Variants in SNX8 observed in about 807,000 individuals in gnomAD.
SNX8 encodes the protein sorting nexin 8, also known as sorting nexin-8.
Under a neutral mutation model 51.6 loss-of-function variants are expected in SNX8, and 25 were observed. The ratio of observed to expected loss-of-function variants is 0.48; its 90% CI spans 0.35 to 0.68. SNX8 has a LOEUF of 0.68. SNX8 is among the 30% of genes least tolerant of loss of function. The probability of loss-of-function intolerance (pLI) is 0.00; values close to 1 mark genes in which losing one functional copy is unlikely to be tolerated. For missense variants in SNX8, 695 were observed against 624.0 expected (o/e 1.11, Z -1.21); for synonymous variants, 324 against 277.0 (o/e 1.17, Z -1.68).
intron 1 of SNX8, among the ~76,000 whole-genome samples, chr7:2,344,952 G>A (rs1217703565): frequency 6.6e-6 from 1 of 152,136 alleles, no homozygotes; most frequent in East Asian, 1.9e-4. Flanking sequence ...CAAACAACAC[G>A]ATACCCTTTC....
At chr7:2,342,068 T>C (rs1778937784) in intron 1 of SNX8, among the ~76,000 whole-genome samples, 1 of 150,206 alleles carries the variant, frequency 6.7e-6, no homozygotes, top group African/African-American at 2.5e-5. Flanking sequence ...TCCTTGCATC[T>C]GGATCTCTCA....
chr7:2,297,487 T>C (rs1296032888), intron 1 of SNX8, among the ~76,000 whole-genome samples: 2 of 139,182 alleles, frequency 1.4e-5, no homozygotes, highest in African/African-American at 5.4e-5. Context: ...GAGGGACAGG[T>C]TGCAGTGAGC....
chr7:2,258,752 G>C (rs1252688008), intron 7 of SNX8, among the ~76,000 whole-genome samples: 1 of 152,206 alleles, frequency 6.6e-6, no homozygotes, highest in African/African-American at 2.4e-5. Flanking sequence ...ACACTCGGCG[G>C]TGGGGGCAGC....
In SNX8 at chr7:2,282,949, G is replaced by A. The variant is rs547091787; in HGVS notation, c.95-4644C>T. ...ATCCTGGCTAACATGGTGAAACCCCGTCTCTACTAAAAATACAAAAAATTA... is the reference window on the plus strand; with the variant it reads ...ATCCTGGCTAACATGGTGAAACCCCATCTCTACTAAAAATACAAAAAATTA... On this transcript the variant is annotated intron_variant, in intron 1 of 10. Coordinates refer to ENST00000222990, the MANE Select transcript of SNX8 (RefSeq NM_013321.4). Among the ~76,000 whole-genome samples, 61 of 151,986 alleles carry A rather than the reference G, an allele frequency of 4.0e-4. 1 individual carries two copies. The South Asian group carries it at 0.01, about 26-fold the overall frequency.
At chr7:2,328,865 C>T (rs1467050854) in intron 1 of SNX8, among the ~76,000 whole-genome samples, 5 of 152,040 alleles carry the variant, frequency 3.3e-5, no homozygotes, top group Non-Finnish European at 5.9e-5. Context: ...GTGGGTGGAT[C>T]ACAAGGTCAG....
At chr7:2,286,227 G>C (rs1308547181) in intron 1 of SNX8, among the ~76,000 whole-genome samples, 1 of 151,578 alleles carries the variant, frequency 6.6e-6, no homozygotes, top group African/African-American at 2.4e-5. Context: ...GGCCAGGCTG[G>C]TCTTGAACTC....
chr7:2,263,365 G>A lies in SNX8; in HGVS notation c.783-3C>T, dbSNP rs117285663. On this transcript the variant is annotated splice_region_variant and splice_polypyrimidine_tract_variant and intron_variant, in intron 6 of 10. Transcript: ENST00000222990. Reference sequence around the variant, plus strand: ...GGGTCGTGTCAGACCCTATTGCACTGAGGGAGCAAGCACACAGGAGAGGAG... The same window carrying A: ...GGGTCGTGTCAGACCCTATTGCACTAAGGGAGCAAGCACACAGGAGAGGAG... 5.6e-3 allele frequency: 8,922 copies of A among 1,591,184 alleles called. 35 individuals are homozygous for A. Among genetic ancestry groups the A allele is most frequent in the Middle Eastern group, 0.01 (61 of 6,030 alleles).
At chr7:2,302,421 T>A (rs891255928) in intron 1 of SNX8, among the ~76,000 whole-genome samples, 3 of 152,238 alleles carry the variant, frequency 2.0e-5, no homozygotes, top group African/African-American at 7.2e-5. Flanking sequence ...GTGCCCAGGC[T>A]GGAGTGCAGT....
chr7:2,254,872 G>A lies in SNX8; in HGVS notation c.*184C>T, dbSNP rs1408191064. ...AGGCCACAGGGCGAAGGACAGTGTG[G>A]CCCAGCTGCCCCCATGGTCCACGGA... On this transcript the variant is annotated 3_prime_UTR_variant, in exon 11 of 11. Coordinates refer to ENST00000222990, the MANE Select transcript of SNX8 (RefSeq NM_013321.4). 9.6e-6 allele frequency: 6 copies of A among 622,390 alleles called. No individual in the cohort carries two copies. Among genetic ancestry groups the A allele is most frequent in the South Asian group, 3.6e-5 (2 of 54,984 alleles). 38.6% of individuals were successfully genotyped at this position (622,390 alleles called of 1,614,324 possible).
chr7:2,268,383 G>C (rs1483122389), intron 5 of SNX8, among the ~76,000 whole-genome samples: 149 of 127,854 alleles, frequency 1.2e-3, no homozygotes, highest in Non-Finnish European at 1.3e-3. Flanking sequence ...CTCTCCGCCC[G>C]GCAGCCACCC....
chr7:2,321,192 A>G (rs919230820), intron 1 of SNX8, among the ~76,000 whole-genome samples: 5 of 152,150 alleles, frequency 3.3e-5, no homozygotes, highest in Non-Finnish European at 5.9e-5. Context: ...CCAGGGCTAC[A>G]GGTGGGAACG....
chr7:2,313,946 G>A (rs1796709558), intron 1 of SNX8, among the ~76,000 whole-genome samples: 1 of 152,246 alleles, frequency 6.6e-6, no homozygotes, highest in Non-Finnish European at 1.5e-5. Flanking sequence ...GGCCCCCAGT[G>A]CCATCGCTCA....
chr7:2,341,639 T>A (rs1468420763), intron 1 of SNX8, among the ~76,000 whole-genome samples: 1 of 151,982 alleles, frequency 6.6e-6, no homozygotes, highest in Non-Finnish European at 1.5e-5. Context: ...ACCACTTCAC[T>A]CCAACCTGGG....
chr7:2,300,166 G>C (rs1796360090), intron 1 of SNX8, among the ~76,000 whole-genome samples: 1 of 152,178 alleles, frequency 6.6e-6, no homozygotes, highest in Admixed American at 6.6e-5. Flanking sequence ...TCCATGCACA[G>C]AAGGCTGGAC....
chr7:2,328,350 C>G (rs1481555116), intron 1 of SNX8, among the ~76,000 whole-genome samples: 1 of 152,040 alleles, frequency 6.6e-6, no homozygotes, highest in Non-Finnish European at 1.5e-5. Flanking sequence ...AGCCACCATG[C>G]CTGGCCTGTT....
At chr7:2,317,041 T>G (rs1253204118), upstream of SNX8, among the ~76,000 whole-genome samples, 3 of 152,054 alleles carry the variant, frequency 2.0e-5, no homozygotes, top group African/African-American at 7.2e-5. Flanking sequence ...GGGCGATCCC[T>G]TCCCTACATG....
chr7:2,278,368 G>C, intron 1 of SNX8, 63 bp from the exon 2 acceptor site: 1 of 1,022,202 alleles, frequency 9.8e-7, no homozygotes, highest in Non-Finnish European at 1.4e-6. Flanking sequence ...CCTTGGCTGG[G>C]CACAGTGGCG....
chr7:2,295,249 C>G (rs1796244275), intron 1 of SNX8, among the ~76,000 whole-genome samples: 1 of 151,470 alleles, frequency 6.6e-6, no homozygotes, highest in East Asian at 1.9e-4. Flanking sequence ...AATAAAAATA[C>G]AAAAATTAGC....
At chr7:2,351,024 CG>C (rs1271318828) in intron 1 of SNX8, among the ~76,000 whole-genome samples, 2 of 151,936 alleles carry the variant, frequency 1.3e-5, no homozygotes, top group East Asian at 3.9e-4. Flanking sequence ...GAGGAGGCGG[CG>C]GGAGGATCAC....
Sources: gnomAD v4.1 joint callset for allele counts (sites outside exome capture counted in the v4.1 genomes callset) on GRCh38, gnomAD v4.1.1 for gene constraint, MANE v1.5 for transcripts, NCBI Gene and HGNC (gene_info 2026-07-23, HGNC 2026-07-21) for gene names.